Variants in ZCCHC14 observed in about 807,000 individuals in gnomAD.
The protein encoded by ZCCHC14 is zinc finger CCHC domain-containing protein 14.
Under a neutral mutation model 85.0 loss-of-function variants are expected in ZCCHC14, and 16 were observed. The observed-to-expected ratio is 0.19, with a 90% confidence interval of 0.13 to 0.29. The LOEUF (loss-of-function observed/expected upper bound fraction) is 0.29. Among genes scored for constraint, ZCCHC14 ranks in the 10% least tolerant of loss-of-function variants. The pLI is 1.00. For synonymous variants in ZCCHC14, 775 were observed against 630.7 expected (o/e 1.23, Z -3.43); for missense variants, 1,303 against 1,443.5 (o/e 0.90, Z 1.58).
intron 2 of ZCCHC14, among the ~76,000 whole-genome samples, chr16:87,442,033 C>G (rs1210702821): frequency 1.3e-5 from 2 of 152,200 alleles, no homozygotes; most frequent in African/African-American, 4.8e-5. Flanking sequence ...AGCTTTCTGG[C>G]TGGAGGACCA....
intron 2 of ZCCHC14, among the ~76,000 whole-genome samples, chr16:87,447,262 C>T (rs974568294): frequency 1.3e-5 from 2 of 151,932 alleles, no homozygotes; most frequent in African/African-American, 4.8e-5. Context: ...GGACACCTGC[C>T]AGACTGCAAA....
chr16:87,420,793 C>G lies in ZCCHC14; in HGVS notation c.841-77G>C. On this transcript the variant is annotated intron_variant, in intron 4 of 12. Transcript: ENST00000671377. This position sits in a 1 kb window ranked among gnomAD's most constrained non-coding sequence, Gnocchi z 5.0. ...GCAGAATTCTGCTACTGCAGGAAAA[C>G]CTGGGGCAGGTGCTCCATGGTGCCG... The G allele has an allele frequency of 7.7e-7, 1 of 1,300,650 alleles. No individual in the cohort carries two copies. The highest frequency in any genetic ancestry group is 1.1e-6 in the Non-Finnish European group (1 of 941,642). The allele number at this position is 1,300,650 out of a possible 1,614,324, so 80.6% of individuals were successfully genotyped here.
At chr16:87,421,812 C>G (rs1260308461) in intron 4 of ZCCHC14, among the ~76,000 whole-genome samples, 2 of 152,100 alleles carry the variant, frequency 1.3e-5, no homozygotes, top group Non-Finnish European at 2.9e-5. Context: ...CCTCCAGGAC[C>G]CCACTAAGGG....
chr16:87,460,172 G>C, intron 1 of ZCCHC14, 41 bp from the exon 2 acceptor site: 2 of 1,596,146 alleles, frequency 1.3e-6, no homozygotes, highest in Non-Finnish European at 1.7e-6. Flanking sequence ...TTCTCCCACG[G>C]AGTTAATAGG....
At chr16:87,466,477 C>T (rs1432753047) in intron 1 of ZCCHC14, among the ~76,000 whole-genome samples, 3 of 152,292 alleles carry the variant, frequency 2.0e-5, no homozygotes, top group East Asian at 1.9e-4. Flanking sequence ...TTTGTGCCAG[C>T]GACCTCTCTG....
chr16:87,484,851 G>A lies in ZCCHC14; in HGVS notation c.570+6818C>T, dbSNP rs148303791. Among the ~76,000 whole-genome samples, 932 of 152,232 alleles carry A rather than the reference G, an allele frequency of 6.1e-3. 17 individuals are homozygous for A. The highest frequency in any genetic ancestry group is 0.022 in the African/African-American group (897 of 41,520). On this transcript the variant is annotated intron_variant, in intron 1 of 12. Coordinates refer to ENST00000671377, the MANE Select transcript of ZCCHC14 (RefSeq NM_015144.3). Reference sequence around the variant, plus strand: ...GGTTCTCTGTTTATGGGTCAGGTGGGCAAATACTAGAGGTCAAAGATTGGA... The same window carrying A: ...GGTTCTCTGTTTATGGGTCAGGTGGACAAATACTAGAGGTCAAAGATTGGA...
chr16:87,440,010 T>C (rs1372546261), intron 2 of ZCCHC14, among the ~76,000 whole-genome samples: 1 of 152,180 alleles, frequency 6.6e-6, no homozygotes, highest in Non-Finnish European at 1.5e-5. Flanking sequence ...CCTGCCTATG[T>C]TACCCAGGCT....
intron 2 of ZCCHC14, among the ~76,000 whole-genome samples, chr16:87,445,934 C>T (rs1873572403): frequency 6.6e-6 from 1 of 152,146 alleles, no homozygotes; most frequent in South Asian, 2.1e-4. Context: ...TAGGTCCTAT[C>T]ATCTTCCCAA....
rs189776326 is a variant in ZCCHC14, at chr16:87,413,137, C to A, written c.1662G>T (p.Ser554=). 1 of 1,610,692 alleles carries A rather than the reference C, an allele frequency of 6.2e-7. No individual in the cohort carries two copies. Among genetic ancestry groups the A allele is most frequent in the Non-Finnish European group, 8.5e-7 (1 of 1,178,542 alleles). The change falls in exon 11 of 13, where the codon TCG becomes TCT. Residue 554 remains serine, a synonymous_variant. Coordinates refer to ENST00000671377, the MANE Select transcript of ZCCHC14 (RefSeq NM_015144.3). ...HHQLPREGSS[S]EYSSSSSSPM... is the part of the protein sequence containing the mutation. ...GGCTGGAGGAGGAGCTGGAGTACTC[C>A]GAGGAACTGCCTTCCCGGGGCAGCT...
At chr16:87,432,867 C>G (rs4843610) in intron 3 of ZCCHC14, among the ~76,000 whole-genome samples, 10,660 of 152,256 alleles carry the variant, frequency 0.07, 491 homozygotes, top group East Asian at 0.25. Flanking sequence ...ATTTAGCCCC[C>G]TGAGGTATGC....
intron 1 of ZCCHC14, among the ~76,000 whole-genome samples, chr16:87,465,231 C>T (rs1434458381): frequency 6.6e-6 from 1 of 152,252 alleles, no homozygotes. Context: ...TTCTGGTTTG[C>T]TTTGTTCACT....
intron 2 of ZCCHC14, among the ~76,000 whole-genome samples, chr16:87,452,778 T>C (rs1910766664): frequency 6.8e-6 from 1 of 146,010 alleles, no homozygotes; most frequent in Non-Finnish European, 1.5e-5. Flanking sequence ...GAGGAGCCCC[T>C]GGTGACCCCC....
intron 1 of ZCCHC14, among the ~76,000 whole-genome samples, chr16:87,486,789 C>G (rs1912531707): frequency 6.6e-6 from 1 of 152,214 alleles, no homozygotes; most frequent in African/African-American, 2.4e-5. Flanking sequence ...AGTTCACAGA[C>G]AAGTTCATAG....
chr16:87,445,540 A>T (rs1910394880), intron 2 of ZCCHC14, among the ~76,000 whole-genome samples: 1 of 152,178 alleles, frequency 6.6e-6, no homozygotes, highest in Non-Finnish European at 1.5e-5. Context: ...AAGGATCATA[A>T]TCCATTCTTC....
intron 2 of ZCCHC14, among the ~76,000 whole-genome samples, chr16:87,458,811 A>T (rs548538500): frequency 6.6e-6 from 1 of 152,294 alleles, no homozygotes; most frequent in East Asian, 1.9e-4. Flanking sequence ...CACAGGGAGA[A>T]TAGAGGCCAG....
chr16:87,439,996 G>T (rs1910108111), intron 2 of ZCCHC14, among the ~76,000 whole-genome samples: 1 of 152,128 alleles, frequency 6.6e-6, no homozygotes, highest in South Asian at 2.1e-4. Flanking sequence ...TTTTAGAGAT[G>T]GGGCCTGCCT....
Position 87,414,436 on chromosome 16 carries a change from C to T in ZCCHC14, c.1581G>A (p.Ser527=), listed in dbSNP as rs779097344. 1.6e-5 allele frequency: 26 copies of T among 1,613,358 alleles called. No individual in the cohort carries two copies. Among genetic ancestry groups the T allele is most frequent in the Admixed American group, 1.0e-4 (6 of 60,004 alleles). ...PPTSHVGPVQ[S]GRGSHAAELR... is the part of the protein sequence containing the mutation. ...CACCTGCTGCATGGCTGCCCCGCCCCGACTGCACGGGCCCGACGTGGCTGG... is the reference window on the plus strand; with the variant it reads ...CACCTGCTGCATGGCTGCCCCGCCCTGACTGCACGGGCCCGACGTGGCTGG... The change falls in exon 10 of 13, where the codon TCG becomes TCA. Residue 527 remains serine, a synonymous_variant. Transcript: ENST00000671377.
chr16:87,453,495 C>T (rs905683888), intron 2 of ZCCHC14, among the ~76,000 whole-genome samples: 1 of 152,162 alleles, frequency 6.6e-6, no homozygotes, highest in Non-Finnish European at 1.5e-5. Flanking sequence ...CTGGGATGAG[C>T]GCAGCTGCTC....
At chr16:87,462,940 C>T (rs112563158) in intron 1 of ZCCHC14, among the ~76,000 whole-genome samples, 94 of 151,740 alleles carry the variant, frequency 6.2e-4, no homozygotes, top group Middle Eastern at 3.4e-3. Flanking sequence ...TGGTGGCGCA[C>T]GCCTCTAATC....
Sources: allele counts gnomAD v4.1 joint callset (sites outside exome capture counted in the v4.1 genomes callset), GRCh38; gene constraint gnomAD v4.1.1; non-coding constraint Gnocchi (gnomAD v3.1); transcripts MANE v1.5; gene names NCBI Gene and HGNC (gene_info 2026-07-23, HGNC 2026-07-21).